SASH1: variants seen among roughly 807,000 people sequenced by gnomAD.
The protein encoded by SASH1 is SAM and SH3 domain containing 1.
SASH1 carries 44 observed loss-of-function variants against 125.2 expected under a neutral mutation model. The ratio of observed to expected loss-of-function variants is 0.35; its 90% CI spans 0.28 to 0.45. The LOEUF is 0.45. Ranked by LOEUF, SASH1 falls within the 20% of genes least tolerant of loss-of-function variation. The pLI, the probability that SASH1 is intolerant of heterozygous loss-of-function variation, is 1.00. For synonymous variants in SASH1, 639 were observed against 649.1 expected (o/e 0.98, Z 0.24); for missense variants, 1,426 against 1,614.5 (o/e 0.88, Z 2.00).
chr6:148,300,406 A>C lies in SASH1; in HGVS notation n.74+28029A>C, dbSNP rs1396052890. 9.6e-5 allele frequency among the ~76,000 whole-genome samples: 13 copies of C among 135,050 alleles called. No homozygotes were observed. The Admixed American group carries it at 1.0e-3, about 11-fold the overall frequency. 88.6% of individuals were successfully genotyped at this position (135,050 alleles called of 152,430 possible). ...AGAATAAGCTTTAGGGGCCTGGTCAAACAAACAAACAACAACTTTACCTCT... is the reference window on the plus strand; with the variant it reads ...AGAATAAGCTTTAGGGGCCTGGTCACACAAACAAACAACAACTTTACCTCT... On this transcript the variant is annotated intron_variant and non_coding_transcript_variant, in intron 1 of 3. Coordinates refer to the SASH1 transcript ENST00000367469.
rs1185211268 is a variant in SASH1 at position 148,543,948 on chromosome 6, G to T, written c.2478G>T (p.Glu826Asp). 6.2e-7 allele frequency: 1 copy of T among 1,614,208 alleles called. No homozygotes were observed. The highest frequency in any genetic ancestry group is 8.5e-7 in the Non-Finnish European group (1 of 1,180,044). The change falls in exon 18 of 20, where the codon GAG becomes GAT. Residue 826 changes from glutamate (E) to aspartate (D), a missense_variant. Physicochemically the swap from Glu to Asp is conservative, Grantham distance 45. Around this residue, in one of 3 missense-constraint regions of SASH1, gnomAD observed 634 missense variants for 694.4 expected, o/e 0.91. Coordinates refer to ENST00000367467, the MANE Select transcript of SASH1 (RefSeq NM_015278.5). The stretch of plus-strand genomic sequence containing the variant: ...TCTGCCGGAGCTGTGAGACCCTGGA[G>T]GGCCCCCAGACTGTGGACACTTGGC... ...VSICRSCETLEGPQTVDTWPR... is the reference protein window; with the variant it reads ...VSICRSCETLDGPQTVDTWPR...
the SASH1 span, among the ~76,000 whole-genome samples, chr6:148,198,137 G>T: frequency 6.6e-6 from 1 of 152,086 alleles, no homozygotes; most frequent in Non-Finnish European, 1.5e-5. Flanking sequence ...GGCATGAGCT[G>T]CCGTGCCTGT....
intron 2 of SASH1, among the ~76,000 whole-genome samples, chr6:148,428,777 A>G (rs1346319353): frequency 6.6e-6 from 1 of 152,134 alleles, no homozygotes; most frequent in Non-Finnish European, 1.5e-5. Flanking sequence ...TTATGGTGAG[A>G]CTTAAAGGTT....
intron 7 of SASH1, among the ~76,000 whole-genome samples, chr6:148,475,729 A>G (rs1274199285): frequency 6.6e-6 from 1 of 152,238 alleles, no homozygotes; most frequent in Non-Finnish European, 1.5e-5. Context: ...TTTAATATAC[A>G]GTAGTTCCCT....
At chr6:148,339,892 G>T (rs1481517444), upstream of SASH1, among the ~76,000 whole-genome samples, 1 of 152,152 alleles carries the variant, frequency 6.6e-6, no homozygotes, top group Non-Finnish European at 1.5e-5. Flanking sequence ...AACTGTACGT[G>T]TCTTTAGATG....
At chr6:148,453,762 T>C (rs1223125572) in intron 4 of SASH1, among the ~76,000 whole-genome samples, 2 of 152,186 alleles carry the variant, frequency 1.3e-5, no homozygotes, top group Non-Finnish European at 2.9e-5. Context: ...ATGCTTATAA[T>C]GCAATGCGAA....
chr6:148,508,809 TGGGGAGG>T, intron 8 of SASH1: 1 of 692,168 alleles, frequency 1.4e-6, no homozygotes, highest in Non-Finnish European at 2.1e-6. Flanking sequence ...GCTCTCCGAG[TGGGGAGG>T]GGGGTGGGAG....
chr6:148,435,785 T>G (rs964250004), intron 2 of SASH1, among the ~76,000 whole-genome samples: 1 of 152,200 alleles, frequency 6.6e-6, no homozygotes, highest in Non-Finnish European at 1.5e-5. Context: ...AGCTGGGTAG[T>G]AGGAATTGGG....
chr6:148,225,258 AC>A, the SASH1 span, among the ~76,000 whole-genome samples: 1 of 152,258 alleles, frequency 6.6e-6, no homozygotes, highest in Non-Finnish European at 1.5e-5. Flanking sequence ...AGTTACACTT[AC>A]AGAAGTAATT....
At chr6:148,224,271 C>T in the SASH1 span, among the ~76,000 whole-genome samples, 2 of 152,108 alleles carry the variant, frequency 1.3e-5, no homozygotes, top group African/African-American at 4.8e-5. Flanking sequence ...TCACTCCAGC[C>T]TGCCCCTCCA....
chr6:148,351,404 T>G (rs943083625), intron 1 of SASH1, among the ~76,000 whole-genome samples: 2 of 152,092 alleles, frequency 1.3e-5, no homozygotes, highest in African/African-American at 2.4e-5. Context: ...GCAAGTTCCA[T>G]TCATGGTTGA....
At chr6:148,398,336 G>T (rs1045381663) in intron 2 of SASH1, among the ~76,000 whole-genome samples, 1 of 152,220 alleles carries the variant, frequency 6.6e-6, no homozygotes, top group African/African-American at 2.4e-5. Flanking sequence ...GCAGACATGC[G>T]CACATAGTCC....
Position 148,471,406 on chromosome 6 carries a change from T to A in SASH1, c.428-11T>A. On this transcript the variant is annotated splice_polypyrimidine_tract_variant and intron_variant, in intron 5 of 19. Coordinates refer to ENST00000367467, the MANE Select transcript of SASH1 (RefSeq NM_015278.5). Reference sequence around the variant, plus strand: ...TTGTTCTTTTTTTTTTTTTTTTTTTTTTTTTTTAAGGAAAAGGAGACTGGA... The same window carrying A: ...TTGTTCTTTTTTTTTTTTTTTTTTTATTTTTTTAAGGAAAAGGAGACTGGA... 1 of 1,342,966 alleles carries A rather than the reference T, an allele frequency of 7.4e-7. No individual in the cohort carries two copies. The highest frequency in any genetic ancestry group is 1.0e-6 in the Non-Finnish European group (1 of 995,170). 83.2% of individuals were successfully genotyped at this position (1,342,966 alleles called of 1,614,324 possible).
At chr6:148,383,074 G>A (rs1399866265) in intron 1 of SASH1, among the ~76,000 whole-genome samples, 1 of 152,218 alleles carries the variant, frequency 6.6e-6, no homozygotes. Flanking sequence ...GAACGACGAC[G>A]ACGTGGCAGG....
the SASH1 span, among the ~76,000 whole-genome samples, chr6:148,210,407 C>T: frequency 6.6e-6 from 1 of 152,190 alleles, no homozygotes; most frequent in Non-Finnish European, 1.5e-5. Context: ...GTGGCACATG[C>T]CTATAATCCC....
At chr6:148,224,559 C>G in the SASH1 span, among the ~76,000 whole-genome samples, 1 of 152,102 alleles carries the variant, frequency 6.6e-6, no homozygotes, top group East Asian at 1.9e-4. Context: ...TGGGGTTTCA[C>G]CATGTTAGCC....
chr6:148,257,704 C>T, the SASH1 span, among the ~76,000 whole-genome samples: 1 of 149,458 alleles, frequency 6.7e-6, no homozygotes, highest in African/African-American at 2.5e-5. Context: ...GACCTCAGCT[C>T]ACTGCAAACT....
intron 4 of SASH1, among the ~76,000 whole-genome samples, chr6:148,448,173 C>T (rs940805425): frequency 6.6e-6 from 1 of 151,458 alleles, no homozygotes; most frequent in African/African-American, 2.4e-5. Flanking sequence ...TGCGTTGTCA[C>T]CTTCCACCCT....
chr6:148,222,900 T>G, the SASH1 span, among the ~76,000 whole-genome samples: 1 of 152,198 alleles, frequency 6.6e-6, no homozygotes, highest in African/African-American at 2.4e-5. Flanking sequence ...GGCTTCTGTT[T>G]CTGACTGTGT....
Sources: gnomAD v4.1 joint callset for allele counts (sites outside exome capture counted in the v4.1 genomes callset) on GRCh38, gnomAD v4.1.1 for gene constraint, gnomAD v4.1.1 regional missense constraint, MANE v1.5 for transcripts, NCBI Gene and HGNC (gene_info 2026-07-23, HGNC 2026-07-21) for gene names.